The following ATP6V0A4 variants were observed in gnomAD, a reference collection of about 807,000 sequenced individuals.
ATP6V0A4 encodes the protein V-type proton ATPase 116 kDa subunit a 4.
In ATP6V0A4, 86 loss-of-function variants were observed where a neutral mutation model predicts 107.3. That is an observed-to-expected ratio of 0.80 (90% CI 0.67 to 0.96). The LOEUF is 0.96. Among genes scored for constraint, ATP6V0A4 ranks in the 40% least tolerant of loss-of-function variants. The probability of loss-of-function intolerance (pLI) is 0.00; values close to 1 mark genes in which losing one functional copy is unlikely to be tolerated. For synonymous variants in ATP6V0A4, 353 were observed against 381.4 expected (o/e 0.93, Z 0.87); for missense variants, 908 against 1,045.6 (o/e 0.87, Z 1.81).
intron 15 of ATP6V0A4, among the ~76,000 whole-genome samples, chr7:138,739,009 G>A (rs1035762389): frequency 1.2e-4 from 19 of 152,180 alleles, no homozygotes; most frequent in African/African-American, 4.1e-4. Flanking sequence ...TACAGGCTGC[G>A]AGGAAGTATC....
intron 19 of ATP6V0A4, among the ~76,000 whole-genome samples, chr7:138,716,710 T>G (rs180722125): frequency 1.3e-3 from 199 of 152,150 alleles, no homozygotes; most frequent in African/African-American, 4.1e-3. Flanking sequence ...ACTACAGGCA[T>G]GCATCACCAT....
intron 17 of ATP6V0A4, among the ~76,000 whole-genome samples, chr7:138,729,750 C>A (rs1307142977): frequency 6.6e-6 from 1 of 152,216 alleles, no homozygotes; most frequent in Non-Finnish European, 1.5e-5. Flanking sequence ...AAAAACATTT[C>A]TTGAGCCTTC....
At position 138,775,644 on chromosome 7, in the gene ATP6V0A4, A is replaced by ATT. The variant is rs36128448; in HGVS notation, c.-17-4382_-17-4381dup. ...GGTGTGCATCACTATGATTGGGCTG[A>ATT]TTTTTTTTTTTTTTTTTTTTTTTTG... On this transcript the variant is annotated intron_variant, in intron 2 of 21. Coordinates refer to ENST00000310018, the MANE Select transcript of ATP6V0A4 (RefSeq NM_020632.3). Among the ~76,000 whole-genome samples the ATT allele has an allele frequency of 3.8e-3, 337 of 89,046 alleles. 6 individuals are homozygous for ATT. Among genetic ancestry groups the ATT allele is most frequent in the Middle Eastern group, 7.5e-3 (1 of 134 alleles). 58.4% of individuals were successfully genotyped at this position (89,046 alleles called of 152,430 possible). A position where few individuals can be genotyped will look rare whatever the true frequency, so the allele number is the denominator to read the frequency against.
intron 19 of ATP6V0A4, among the ~76,000 whole-genome samples, chr7:138,718,131 GGAGACGTCCAGGAAGGAAGGGGGGA>G (rs1166250852): frequency 1.1e-4 from 12 of 111,154 alleles, no homozygotes; most frequent in East Asian, 2.9e-4. Flanking sequence ...GTCTGCAGAG[GGAGACGTCCAGGAAGGAAGGGGGGA>G]TGCAGTCACG....
chr7:138,745,335 A>G (rs1452700914), intron 13 of ATP6V0A4, 55 bp from the exon 14 acceptor site: 114 of 1,610,972 alleles, frequency 7.1e-5, no homozygotes, highest in Non-Finnish European at 9.2e-5. Context: ...AGCAGACCCC[A>G]GAGGGAAGCG....
intron 11 of ATP6V0A4, among the ~76,000 whole-genome samples, chr7:138,751,972 C>T (rs570182245): frequency 1.4e-3 from 210 of 152,138 alleles, no homozygotes; most frequent in Non-Finnish European, 2.2e-3. Flanking sequence ...CTGTGAACAG[C>T]CCTGCACTCC....
At chr7:138,718,280 GTGTGTGTGTGTGTGTGTGT>G (rs1804205439) in intron 19 of ATP6V0A4, among the ~76,000 whole-genome samples, 1 of 4,290 alleles carries the variant, frequency 2.3e-4, no homozygotes, top group African/African-American at 1.4e-3. Context: ...AGGAATGGCG[GTGTGTGTGTGTGTGTGTGT>G]GTGTGTGTGT....
At chr7:138,709,955 C>CA (rs1554387002) in intron 20 of ATP6V0A4, 160 bp from the exon 21 acceptor site, 104 of 461,216 alleles carry the variant, frequency 2.3e-4, no homozygotes, top group South Asian at 4.6e-4. Context: ...CTGAAGCAAT[C>CA]CTCCTGTCTC....
intron 5 of ATP6V0A4, among the ~76,000 whole-genome samples, chr7:138,764,559 G>A (rs28722125): frequency 0.035 from 5,350 of 152,248 alleles, 328 homozygotes; most frequent in African/African-American, 0.12. Context: ...GCCTTGAAGT[G>A]TTAAGTGTAA....
intron 7 of ATP6V0A4, 126 bp downstream of exon 7, chr7:138,762,214 G>A: frequency 1.6e-6 from 2 of 1,249,564 alleles, no homozygotes; most frequent in Non-Finnish European, 2.3e-6. Context: ...CTATCGCTTG[G>A]CAGAGGCTTT....
intron 3 of ATP6V0A4, chr7:138,769,453 T>C: frequency 2.4e-6 from 1 of 419,478 alleles, no homozygotes; most frequent in Non-Finnish European, 3.2e-6. Context: ...TAACTGGGAT[T>C]ACAGGCACCC....
At chr7:138,777,632 ATAC>A (rs1284352330) in intron 2 of ATP6V0A4, among the ~76,000 whole-genome samples, 8 of 103,864 alleles carry the variant, frequency 7.7e-5, no homozygotes, top group Admixed American at 1.8e-4. Flanking sequence ...AAAAAAAAAA[ATAC>A]ACACACACAC....
chr7:138,717,031 C>A (rs893271837), intron 19 of ATP6V0A4, among the ~76,000 whole-genome samples: 13 of 152,188 alleles, frequency 8.5e-5, no homozygotes, highest in Non-Finnish European at 1.8e-4. Flanking sequence ...AGGGCCAGGG[C>A]AGCCAGGGCT....
intron 14 of ATP6V0A4, among the ~76,000 whole-genome samples, chr7:138,742,382 G>A (rs1381487782): frequency 2.6e-5 from 4 of 151,974 alleles, no homozygotes; most frequent in South Asian, 2.1e-4. Context: ...AGCCAAAATC[G>A]CACCATTGCA....
chr7:138,777,136 G>A (rs1445490561), intron 2 of ATP6V0A4, among the ~76,000 whole-genome samples: 4 of 133,298 alleles, frequency 3.0e-5, no homozygotes, highest in East Asian at 4.3e-4. Context: ...AAGACACAGC[G>A]AGACTCCGTC....
intron 5 of ATP6V0A4, among the ~76,000 whole-genome samples, chr7:138,766,548 C>G (rs1258676351): frequency 6.6e-6 from 1 of 151,812 alleles, no homozygotes; most frequent in Non-Finnish European, 1.5e-5. Context: ...TAAGAGACAC[C>G]CTTACCAAAG....
rs1807229440 is a variant in ATP6V0A4, at chr7:138,768,966, A to C, written c.197-92T>G. 3 of 1,584,370 alleles carry C rather than the reference A, an allele frequency of 1.9e-6. No individual in the cohort carries two copies. In the East Asian group the frequency reaches 6.9e-5, roughly 37 times the overall value. On this transcript the variant is annotated intron_variant, in intron 4 of 21. Transcript: ENST00000310018. ...CAAGCAAGACATGTGCCTTTCACTCAGCTCAGCTACCTGAATTGTCCTAGG... is the reference window on the plus strand; with the variant it reads ...CAAGCAAGACATGTGCCTTTCACTCCGCTCAGCTACCTGAATTGTCCTAGG...
chr7:138,775,851 C>T (rs369327421), intron 2 of ATP6V0A4, among the ~76,000 whole-genome samples: 2 of 152,028 alleles, frequency 1.3e-5, no homozygotes, highest in Admixed American at 6.6e-5. Context: ...GGGGTTTCAC[C>T]GGGTTAGCCA....
At chr7:138,777,038 A>G (rs904782416) in intron 2 of ATP6V0A4, among the ~76,000 whole-genome samples, 1 of 151,894 alleles carries the variant, frequency 6.6e-6, no homozygotes, top group Non-Finnish European at 1.5e-5. Context: ...AATCCCAGCT[A>G]CTCAGGAGGC....
Sources: gnomAD v4.1 joint callset for allele counts (sites outside exome capture counted in the v4.1 genomes callset) on GRCh38, gnomAD v4.1.1 for gene constraint, MANE v1.5 for transcripts, NCBI Gene and HGNC (gene_info 2026-07-23, HGNC 2026-07-21) for gene names.